Variants in FAM185A observed in about 807,000 individuals in gnomAD.
FAM185A encodes family with sequence similarity 185 member A.
A neutral mutation model predicts 45.7 loss-of-function variants in FAM185A; 21 were observed. That is an observed-to-expected ratio of 0.46 (90% confidence interval 0.33 to 0.66). FAM185A has a LOEUF of 0.66. Among genes scored for constraint, FAM185A ranks in the 30% least tolerant of loss-of-function variants. The probability of loss-of-function intolerance (pLI) is 0.03; values close to 1 mark genes in which losing one functional copy is unlikely to be tolerated. For synonymous variants in FAM185A, 117 were observed against 194.0 expected (o/e 0.60, Z 3.30); for missense variants, 305 against 485.4 (o/e 0.63, Z 3.49).
At chr7:102,790,930 G>A (rs1219434686) in intron 7 of FAM185A, among the ~76,000 whole-genome samples, 1 of 151,962 alleles carries the variant, frequency 6.6e-6, no homozygotes, top group African/African-American at 2.4e-5. Flanking sequence ...TATAAAGCAT[G>A]GTCTCACTGC....
intron 2 of FAM185A, among the ~76,000 whole-genome samples, chr7:102,753,478 G>A (rs920700022): frequency 3.3e-5 from 5 of 151,944 alleles, no homozygotes; most frequent in Admixed American, 6.6e-5. Flanking sequence ...TGTTGTGGGG[G>A]CCTGTCTTGT....
At chr7:102,824,050 T>A in the FAM185A span, among the ~76,000 whole-genome samples, 2 of 152,230 alleles carry the variant, frequency 1.3e-5, no homozygotes, top group African/African-American at 4.8e-5. Context: ...CAGGTTTGGT[T>A]TGATACTAGG....
At chr7:102,848,948 C>T in the FAM185A span, among the ~76,000 whole-genome samples, 33 of 152,038 alleles carry the variant, frequency 2.2e-4, no homozygotes, top group African/African-American at 7.7e-4. Flanking sequence ...TGCAGTGAGT[C>T]GAGATCGTGC....
chr7:102,765,033 G>A (rs903336644), intron 4 of FAM185A, among the ~76,000 whole-genome samples: 20 of 152,238 alleles, frequency 1.3e-4, no homozygotes, highest in African/African-American at 4.6e-4. Context: ...GTTCACAGAT[G>A]AGGAAAACTA....
the FAM185A span, among the ~76,000 whole-genome samples, chr7:102,827,743 T>C: frequency 6.6e-6 from 1 of 152,170 alleles, no homozygotes; most frequent in Admixed American, 6.5e-5. Flanking sequence ...GTTCTCATTG[T>C]TCAATTCCCA....
At chr7:102,846,145 G>A in the FAM185A span, among the ~76,000 whole-genome samples, 1 of 152,010 alleles carries the variant, frequency 6.6e-6, no homozygotes, top group Non-Finnish European at 1.5e-5. Context: ...ACATAGTATT[G>A]AATTTTTCTG....
At chr7:102,822,404 G>T in the FAM185A span, 1 of 683,710 alleles carries the variant, frequency 1.5e-6, no homozygotes, top group Non-Finnish European at 2.7e-6. Flanking sequence ...GTCTTGGGAA[G>T]TCCCTCCTTA....
intron 7 of FAM185A, among the ~76,000 whole-genome samples, chr7:102,806,256 C>T (rs551706195): frequency 6.6e-6 from 1 of 152,282 alleles, no homozygotes; most frequent in African/African-American, 2.4e-5. Flanking sequence ...ATGATCTCGG[C>T]TTACTGCAGC....
At position 102,800,149 on chromosome 7, in the gene FAM185A, T is replaced by C. The variant is rs185717818; in HGVS notation, c.1067-8141T>C. On this transcript the variant is annotated intron_variant, in intron 7 of 7. Coordinates refer to ENST00000413034, the MANE Select transcript of FAM185A (RefSeq NM_001145268.2). ...CTGGGTGGCTAGATCAGAAGAGAGA[T>C]AACAATCACCACAGCTCGGCTCTCA... Among the ~76,000 whole-genome samples the C allele has an allele frequency of 4.3e-3, 654 of 152,046 alleles. 7 individuals carry two copies. The highest frequency in any genetic ancestry group is 0.015 in the African/African-American group (626 of 41,452).
chr7:102,838,882 C>T, the FAM185A span, among the ~76,000 whole-genome samples: 3 of 152,170 alleles, frequency 2.0e-5, no homozygotes, highest in South Asian at 6.2e-4. Flanking sequence ...AATATGGCCT[C>T]GTGGGATGGC....
At chr7:102,838,122 G>T in the FAM185A span, among the ~76,000 whole-genome samples, 4 of 152,174 alleles carry the variant, frequency 2.6e-5, no homozygotes, top group East Asian at 7.7e-4. Flanking sequence ...TACAGGGTTG[G>T]TTAAGAGCAC....
chr7:102,776,725 A>C (rs1274376685), intron 5 of FAM185A, among the ~76,000 whole-genome samples: 2 of 151,562 alleles, frequency 1.3e-5, no homozygotes, highest in Non-Finnish European at 2.9e-5. Flanking sequence ...AAAAAGAAAA[A>C]AAGAAATGCG....
At chr7:102,830,860 G>T in the FAM185A span, among the ~76,000 whole-genome samples, 1 of 152,108 alleles carries the variant, frequency 6.6e-6, no homozygotes. Flanking sequence ...TTCATATTTT[G>T]CTAACTCCAA....
the FAM185A span, chr7:102,821,980 A>G: frequency 4.6e-6 from 7 of 1,535,702 alleles, no homozygotes; most frequent in East Asian, 1.3e-4. Context: ...TTATAGCCAT[A>G]TACTATGTTT....
At chr7:102,785,407 T>TC (rs1223120273) in intron 6 of FAM185A, among the ~76,000 whole-genome samples, 1 of 151,034 alleles carries the variant, frequency 6.6e-6, no homozygotes, top group African/African-American at 2.4e-5. Context: ...GCTGGAGGCA[T>TC]CACGCTACCT....
intron 7 of FAM185A, among the ~76,000 whole-genome samples, chr7:102,799,969 C>T (rs1275639223): frequency 1.3e-5 from 2 of 152,106 alleles, no homozygotes; most frequent in Non-Finnish European, 2.9e-5. Context: ...TAAGAGGACC[C>T]ACAGACCCTC....
intron 7 of FAM185A, among the ~76,000 whole-genome samples, chr7:102,799,648 G>T (rs981571293): frequency 6.6e-6 from 1 of 152,158 alleles, no homozygotes; most frequent in Non-Finnish European, 1.5e-5. Context: ...TTTTGTTATT[G>T]AACCAAACGG....
chr7:102,827,286 CAAGAGATGACTGCA>C, the FAM185A span: 9 of 317,512 alleles, frequency 2.8e-5, no homozygotes, highest in African/African-American at 1.0e-4. Flanking sequence ...TAAGGGGAGT[CAAGAGATGACTGCA>C]AAGAGATGAC....
the FAM185A span, among the ~76,000 whole-genome samples, chr7:102,818,714 T>C: frequency 6.6e-6 from 1 of 152,232 alleles, no homozygotes; most frequent in African/African-American, 2.4e-5. Context: ...CTTTCTCTAC[T>C]AGTTCTCTAG....
Sources: gnomAD v4.1 joint callset for allele counts (sites outside exome capture counted in the v4.1 genomes callset) on GRCh38, gnomAD v4.1.1 for gene constraint, MANE v1.5 for transcripts, NCBI Gene and HGNC (gene_info 2026-07-23, HGNC 2026-07-21) for gene names.